The following ERI3 variants were observed in gnomAD, a reference collection of about 807,000 sequenced individuals.
ERI3 encodes ERI1 exoribonuclease 3.
Under a neutral mutation model 44.4 loss-of-function variants are expected in ERI3, and 18 were observed. That is an observed-to-expected ratio of 0.41 (90% CI 0.28 to 0.60). The LOEUF (loss-of-function observed/expected upper bound fraction) is 0.60, where lower values mean the gene tolerates loss of function less well. ERI3 is among the 20% of genes least tolerant of loss of function. The probability of loss-of-function intolerance (pLI) is 0.36; values close to 1 mark genes in which losing one functional copy is unlikely to be tolerated. For missense variants in ERI3, 294 were observed against 435.5 expected (o/e 0.68, Z 2.89); for synonymous variants, 183 against 164.8 (o/e 1.11, Z -0.84).
At chr1:44,238,999 C>T (rs1274311186) in intron 8 of ERI3, among the ~76,000 whole-genome samples, 1 of 151,938 alleles carries the variant, frequency 6.6e-6, no homozygotes. Context: ...TTTATCTCTG[C>T]TCCCACCCTC....
chr1:44,229,183 T>G (rs1034719778), intron 8 of ERI3, among the ~76,000 whole-genome samples: 6 of 151,770 alleles, frequency 4.0e-5, no homozygotes, highest in Non-Finnish European at 8.8e-5. Flanking sequence ...AGAACAGACA[T>G]GGGGCCAGAA....
chr1:44,308,450 C>G, intron 5 of ERI3, 49 bp from the exon 6 acceptor site: 1 of 1,473,248 alleles, frequency 6.8e-7, no homozygotes, highest in Non-Finnish European at 9.5e-7. Flanking sequence ...TTTCCCTGAG[C>G]CTGTGAAGAG....
intron 8 of ERI3, among the ~76,000 whole-genome samples, chr1:44,223,828 T>C (rs1266078758): frequency 6.6e-6 from 1 of 152,186 alleles, no homozygotes; most frequent in Non-Finnish European, 1.5e-5. Flanking sequence ...CTCTACACAC[T>C]GGATGGCTTC....
At chr1:44,227,078 A>G (rs2154315383) in intron 8 of ERI3, among the ~76,000 whole-genome samples, 1 of 152,260 alleles carries the variant, frequency 6.6e-6, no homozygotes, top group African/African-American at 2.4e-5. Context: ...AAAGAAGCCA[A>G]TCAAACTGGG....
At chr1:44,283,426 A>G (rs1296225622) in intron 7 of ERI3, among the ~76,000 whole-genome samples, 1 of 152,232 alleles carries the variant, frequency 6.6e-6, no homozygotes, top group African/African-American at 2.4e-5. Context: ...TCAAGGCAAG[A>G]GACTGACTGC....
At position 44,235,887 on chromosome 1, in the gene ERI3, C is replaced by T. The variant is rs1473538505; in HGVS notation, c.931+12052G>A. ...AGTGATGCCCTGGAGAAAGGCCTAGCTATGCCTAGGGACTCTGGGAAGGGG... is the reference window on the plus strand; with the variant it reads ...AGTGATGCCCTGGAGAAAGGCCTAGTTATGCCTAGGGACTCTGGGAAGGGG... On this transcript the variant is annotated intron_variant, in intron 8 of 8. Coordinates refer to ENST00000372257, the MANE Select transcript of ERI3 (RefSeq NM_024066.3). This position sits in a 1 kb window ranked among gnomAD's most constrained non-coding sequence, Gnocchi z 4.6. Among the ~76,000 whole-genome samples, 1 of 152,200 alleles carries T rather than the reference C, an allele frequency of 6.6e-6. No homozygotes were observed. Among genetic ancestry groups the T allele is most frequent in the Non-Finnish European group, 1.5e-5 (1 of 68,010 alleles).
chr1:44,236,791 C>T (rs371083265), intron 8 of ERI3, among the ~76,000 whole-genome samples: 5 of 152,204 alleles, frequency 3.3e-5, no homozygotes, highest in South Asian at 4.1e-4. Flanking sequence ...GACACTCTTC[C>T]GCCAAAATGA....
chr1:44,287,717 G>A (rs949467251), intron 6 of ERI3, among the ~76,000 whole-genome samples: 1 of 152,258 alleles, frequency 6.6e-6, no homozygotes, highest in Admixed American at 6.5e-5. Flanking sequence ...AAGCAGAGCT[G>A]TAATCTGACA....
At chr1:44,319,305 C>T (rs1199997253) in intron 4 of ERI3, among the ~76,000 whole-genome samples, 3 of 152,250 alleles carry the variant, frequency 2.0e-5, no homozygotes, top group Non-Finnish European at 4.4e-5. Flanking sequence ...TTACCTCTTG[C>T]CAAGGGGCCC....
chr1:44,258,338 T>C (rs377450666), intron 7 of ERI3, among the ~76,000 whole-genome samples: 3 of 152,316 alleles, frequency 2.0e-5, no homozygotes, highest in African/African-American at 7.2e-5. Context: ...CATGCGGCAC[T>C]ACCGCCACCA....
rs186250758 is a variant in ERI3 at position 44,251,896 on chromosome 1, G to C, written c.832-3858C>G. On this transcript the variant is annotated intron_variant, in intron 7 of 8. Transcript: ENST00000372257. ...CCTCTCCTGCCAGCTTGGGGGAATG[G>C]GGATATGGGGCCCAGAAGCTTTCTG... 3.3e-4 allele frequency among the ~76,000 whole-genome samples: 50 copies of C among 152,314 alleles called. 2 individuals carry two copies. The East Asian group carries it at 9.5e-3, about 29-fold the overall frequency.
intron 8 of ERI3, among the ~76,000 whole-genome samples, chr1:44,234,056 T>C (rs1644248426): frequency 6.6e-6 from 1 of 152,176 alleles, no homozygotes; most frequent in African/African-American, 2.4e-5. Flanking sequence ...CCTTGGTTCC[T>C]TTGAACACTC....
intron 2 of ERI3, among the ~76,000 whole-genome samples, chr1:44,351,056 C>CA (rs1452562410): frequency 4.7e-5 from 7 of 149,430 alleles, no homozygotes; most frequent in Admixed American, 6.7e-5. Context: ...TTTTTTGAGA[C>CA]AGAGTCTTGC....
chr1:44,354,452 G>C (rs1646956276), intron 1 of ERI3: 1 of 985,254 alleles, frequency 1.0e-6, no homozygotes, highest in African/African-American at 1.7e-5. Context: ...AACACCTGTT[G>C]CTGGACCATT....
intron 7 of ERI3, among the ~76,000 whole-genome samples, chr1:44,253,198 G>A (rs1644717145): frequency 1.3e-5 from 2 of 152,186 alleles, no homozygotes; most frequent in African/African-American, 2.4e-5. Flanking sequence ...CACTAGGCTG[G>A]AGTATGCCAC....
At chr1:44,238,326 C>A (rs1308426883) in intron 8 of ERI3, among the ~76,000 whole-genome samples, 1 of 152,072 alleles carries the variant, frequency 6.6e-6, no homozygotes, top group Non-Finnish European at 1.5e-5. Context: ...AGGGGCTCCC[C>A]CCTGCGGCAG....
intron 2 of ERI3, among the ~76,000 whole-genome samples, chr1:44,346,430 C>T (rs1228721302): frequency 6.6e-6 from 1 of 152,196 alleles, no homozygotes; most frequent in Admixed American, 6.5e-5. Context: ...CAGCCATGCC[C>T]AGTAGCTTGG....
chr1:44,277,663 A>G (rs1645205953), intron 7 of ERI3, among the ~76,000 whole-genome samples: 1 of 152,094 alleles, frequency 6.6e-6, no homozygotes, highest in South Asian at 2.1e-4. Context: ...TTCTTCTGAA[A>G]CACTTTTTCT....
intron 6 of ERI3, among the ~76,000 whole-genome samples, chr1:44,290,482 T>A (rs897055950): frequency 1.1e-4 from 16 of 152,174 alleles, no homozygotes; most frequent in Non-Finnish European, 1.8e-4. Flanking sequence ...CTAGCGGCCC[T>A]GCAGCTCATA....
Sources: gnomAD v4.1 joint callset for allele counts (sites outside exome capture counted in the v4.1 genomes callset) on GRCh38, gnomAD v4.1.1 for gene constraint, Gnocchi (gnomAD v3.1) non-coding constraint, MANE v1.5 for transcripts, NCBI Gene and HGNC (gene_info 2026-07-23, HGNC 2026-07-21) for gene names.